EPHB1: variants seen among roughly 807,000 people sequenced by gnomAD.
The protein encoded by EPHB1 is ephrin type-B receptor 1.
A neutral mutation model predicts 94.4 loss-of-function variants in EPHB1; 30 were observed. That is an observed-to-expected ratio of 0.32 (90% CI 0.24 to 0.43). The LOEUF (loss-of-function observed/expected upper bound fraction) is 0.43. EPHB1 is among the 20% of genes least tolerant of loss of function. EPHB1 has a pLI of 1.00. For synonymous variants in EPHB1, 522 were observed against 489.1 expected (o/e 1.07, Z -0.89); for missense variants, 1,055 against 1,308.3 (o/e 0.81, Z 2.99).
intron 1 of EPHB1, among the ~76,000 whole-genome samples, chr3:134,881,204 A>G (rs2037723576): frequency 6.6e-6 from 1 of 152,082 alleles, no homozygotes; most frequent in Admixed American, 6.5e-5. Flanking sequence ...AAAGCAGGAA[A>G]CAGCATCTCC....
intron 6 of EPHB1, among the ~76,000 whole-genome samples, chr3:135,161,609 G>A (rs1473450812): frequency 6.6e-6 from 1 of 152,210 alleles, no homozygotes; most frequent in Non-Finnish European, 1.5e-5. Flanking sequence ...AAGACAAAGA[G>A]AGGCAGGCAG....
At chr3:134,878,528 ACTGGG>A (rs1445412223) in intron 1 of EPHB1, among the ~76,000 whole-genome samples, 2 of 152,190 alleles carry the variant, frequency 1.3e-5, no homozygotes, top group Non-Finnish European at 2.9e-5. Flanking sequence ...AGTGCTGAGG[ACTGGG>A]CTCCTGGGGA....
chr3:134,906,268 G>A lies in EPHB1; in HGVS notation c.59-19548G>A, dbSNP rs139341815. Among the ~76,000 whole-genome samples the A allele has an allele frequency of 5.6e-3, 859 of 152,266 alleles. 6 individuals carry two copies. The highest frequency in any genetic ancestry group is 0.02 in the African/African-American group (813 of 41,538). On this transcript the variant is annotated intron_variant, in intron 1 of 15. Transcript: ENST00000398015. ...GGGATAGCATCATAGATCAGAATTA[G>A]GCCAGTCATCTTCTGTAGGTACACT...
intron 3 of EPHB1, among the ~76,000 whole-genome samples, chr3:135,089,000 TTTTA>T (rs1938466340): frequency 6.6e-6 from 1 of 152,208 alleles, no homozygotes; most frequent in Non-Finnish European, 1.5e-5. Context: ...AGGGACTAAT[TTTTA>T]CACACGAGGA....
intron 10 of EPHB1, 85 bp downstream of exon 10, chr3:135,180,067 A>G: frequency 6.6e-7 from 1 of 1,522,314 alleles, no homozygotes; most frequent in Non-Finnish European, 9.0e-7. Flanking sequence ...TTTCAGTATG[A>G]AAAGCCCCAT....
At chr3:134,999,827 T>C (rs2107742148) in intron 3 of EPHB1, among the ~76,000 whole-genome samples, 1 of 152,326 alleles carries the variant, frequency 6.6e-6, no homozygotes, top group East Asian at 1.9e-4. Context: ...ACTGGCTTTC[T>C]GGGAGGCTAA....
At chr3:135,170,788 C>T (rs1941783907) in intron 9 of EPHB1, among the ~76,000 whole-genome samples, 1 of 152,148 alleles carries the variant, frequency 6.6e-6, no homozygotes, top group South Asian at 2.1e-4. Flanking sequence ...AGGTTGACAC[C>T]TCCCTGATTT....
At position 134,851,920 on chromosome 3, in the gene EPHB1, G is replaced by A. The variant is rs1034654930; in HGVS notation, c.58+56231G>A. Among the ~76,000 whole-genome samples, 3 of 152,164 alleles carry A rather than the reference G, an allele frequency of 2.0e-5. No individual in the cohort carries two copies. In the East Asian group the frequency reaches 5.8e-4, roughly 29 times the overall value. On this transcript the variant is annotated intron_variant, in intron 1 of 15. Coordinates refer to ENST00000398015, the MANE Select transcript of EPHB1 (RefSeq NM_004441.5). ...TTCCCAGGCCCTGGAGGCCTGGTGT[G>A]CTTCCATGGGCCTTAGGATGAACCT...
chr3:135,221,550 A>G (rs1943280117), intron 12 of EPHB1, among the ~76,000 whole-genome samples: 1 of 152,172 alleles, frequency 6.6e-6, no homozygotes, highest in Admixed American at 6.6e-5. Flanking sequence ...CTCTAATGAC[A>G]GACAATCTAA....
intron 12 of EPHB1, among the ~76,000 whole-genome samples, chr3:135,205,768 T>C (rs992256778): frequency 6.6e-6 from 1 of 152,164 alleles, no homozygotes; most frequent in Non-Finnish European, 1.5e-5. Context: ...CATCACACCA[T>C]CTATTGTTTT....
chr3:134,817,131 G>GC (rs1553853517), intron 1 of EPHB1, among the ~76,000 whole-genome samples: 2 of 150,008 alleles, frequency 1.3e-5, no homozygotes, highest in East Asian at 3.9e-4. Context: ...TATGAATGTA[G>GC]TTTTTTTTTT....
intron 12 of EPHB1, among the ~76,000 whole-genome samples, chr3:135,225,305 C>G (rs1033398259): frequency 1.3e-5 from 2 of 152,166 alleles, no homozygotes; most frequent in Non-Finnish European, 2.9e-5. Flanking sequence ...GGATGCAGAA[C>G]CTCCAGGGTC....
intron 15 of EPHB1, among the ~76,000 whole-genome samples, chr3:135,257,592 C>T (rs545642763): frequency 3.1e-3 from 471 of 152,032 alleles, no homozygotes; most frequent in African/African-American, 0.01. Flanking sequence ...TCTCCAGCTG[C>T]GTGCTGGGAG....
intron 2 of EPHB1, among the ~76,000 whole-genome samples, chr3:134,941,354 G>A (rs6799875): frequency 0.31 from 40,594 of 132,180 alleles, 7,635 homozygotes; most frequent in Middle Eastern, 0.48. Context: ...AATGATCTTT[G>A]CCTGTGTGGG....
At chr3:135,042,895 G>A (rs1936895864) in intron 3 of EPHB1, among the ~76,000 whole-genome samples, 1 of 151,970 alleles carries the variant, frequency 6.6e-6, no homozygotes, top group South Asian at 2.1e-4. Flanking sequence ...AGGCTGGAGT[G>A]CAGTGGCGCA....
At chr3:135,226,609 A>G (rs1034271042) in intron 12 of EPHB1, among the ~76,000 whole-genome samples, 2 of 152,152 alleles carry the variant, frequency 1.3e-5, no homozygotes, top group South Asian at 2.1e-4. Flanking sequence ...CACGGCTGTG[A>G]TAACCAGCCC....
intron 3 of EPHB1, among the ~76,000 whole-genome samples, chr3:134,964,539 C>G (rs781428312): frequency 6.6e-6 from 1 of 152,196 alleles, no homozygotes; most frequent in Non-Finnish European, 1.5e-5. Context: ...ATGGAATATG[C>G]AAGAACTCTG....
intron 3 of EPHB1, among the ~76,000 whole-genome samples, chr3:135,095,088 G>T (rs576546113): frequency 6.6e-6 from 1 of 152,244 alleles, no homozygotes; most frequent in South Asian, 2.1e-4. Context: ...CTCTGCTCTG[G>T]ACACTTCATA....
At chr3:135,039,330 G>A (rs954317720) in intron 3 of EPHB1, among the ~76,000 whole-genome samples, 1 of 152,188 alleles carries the variant, frequency 6.6e-6, no homozygotes, top group South Asian at 2.1e-4. Context: ...GACTCTCCAC[G>A]TCCCCACCAG....
Sources: gnomAD v4.1 joint callset for allele counts (sites outside exome capture counted in the v4.1 genomes callset) on GRCh38, gnomAD v4.1.1 for gene constraint, MANE v1.5 for transcripts, NCBI Gene and HGNC (gene_info 2026-07-23, HGNC 2026-07-21) for gene names.